The following SEMA6B variants were observed in gnomAD, a reference collection of about 807,000 sequenced individuals.
The protein encoded by SEMA6B is semaphorin 6B, also known as semaphorin-6B.
A neutral mutation model predicts 78.6 loss-of-function variants in SEMA6B; 47 were observed. The observed-to-expected ratio is 0.60, with a 90% CI of 0.47 to 0.76. The LOEUF (loss-of-function observed/expected upper bound fraction) is 0.76. Among genes scored for constraint, SEMA6B ranks in the 30% least tolerant of loss-of-function variants. SEMA6B has a pLI of 0.00. For missense variants in SEMA6B, 1,213 were observed against 1,269.9 expected (o/e 0.96, Z 0.68); for synonymous variants, 632 against 592.2 (o/e 1.07, Z -0.98).
intron 13 of SEMA6B, 41 bp from the exon 14 acceptor site, chr19:4,548,214 C>A: frequency 1.3e-6 from 2 of 1,589,958 alleles, no homozygotes; most frequent in East Asian, 2.3e-5. Context: ...GCATCTCAGC[C>A]CATCTCCCCT....
intron 10 of SEMA6B, 118 bp from the exon 11 acceptor site, chr19:4,551,048 G>T: frequency 1.7e-6 from 2 of 1,146,256 alleles, no homozygotes; most frequent in Non-Finnish European, 2.5e-6. Context: ...CTAGGCCAGA[G>T]ATGTCCCCTG....
intron 9 of SEMA6B, 104 bp downstream of exon 9, chr19:4,554,284 G>A: frequency 5.6e-6 from 5 of 898,574 alleles, no homozygotes; most frequent in Non-Finnish European, 7.2e-6. Flanking sequence ...GAAATGGAGG[G>A]CAGGACCCTC....
At chr19:4,546,502 G>A in intron 14 of SEMA6B, 33 bp from the exon 15 acceptor site, 1 of 1,493,946 alleles carries the variant, frequency 6.7e-7, no homozygotes, top group Non-Finnish European at 9.0e-7. Flanking sequence ...TGGGACAAGT[G>A]TCCAAGTCAC....
In SEMA6B at chr19:4,555,564, T is replaced by A; in HGVS notation, c.472A>T (p.Ile158Leu). 6.2e-7 allele frequency: 1 copy of A among 1,612,362 alleles called. No homozygotes were observed. Among genetic ancestry groups the A allele is most frequent in the South Asian group, 1.1e-5 (1 of 91,018 alleles). Reference sequence around the variant, plus strand: ...TCTCCGACGGGCTGCAGGGTGTCTATCTGCAGGGACCATGGGGCCTGAGTG... The same window carrying A: ...TCTCCGACGGGCTGCAGGGTGTCTAACTGCAGGGACCATGGGGCCTGAGTG... The part of the protein sequence containing the change: ...AFNPVCANYS[I>L]DTLQPVGDNI... Residue 158 changes from isoleucine (I) to leucine (L), a missense_variant and splice_region_variant, in exon 7 of 17, where the codon ATA (isoleucine) becomes TTA (leucine). Ile to Leu is a conservative substitution (Grantham distance 5, BLOSUM62 2). Transcript: ENST00000586582. The surrounding 1 kb of genome is among the most constrained non-coding windows in gnomAD (Gnocchi z 6.1).
Position 4,544,207 on chromosome 19 carries a change from G to T in SEMA6B, c.2061C>A (p.Asn687Lys). The change falls in exon 17 of 17, where the codon AAC becomes AAA. Residue 687 changes from asparagine (N) to lysine (K), a missense_variant. Physicochemically the swap from Asn to Lys is moderately conservative, Grantham distance 94. Transcript: ENST00000586582. This position sits in a 1 kb window ranked among gnomAD's most constrained non-coding sequence, Gnocchi z 5.1. Reference protein sequence around the residue: ...PEALLAPLMQNGWAKATLLQG... With the variant: ...PEALLAPLMQKGWAKATLLQG... ...GCAGCAGCGTGGCCTTGGCCCAGCC[G>T]TTCTGCATCAGGGGCGCCAGCAGGG... 1 of 1,274,166 alleles carries T rather than the reference G, an allele frequency of 7.8e-7. No homozygotes were observed. Among genetic ancestry groups the T allele is most frequent in the Non-Finnish European group, 9.9e-7 (1 of 1,012,562 alleles). 78.9% of individuals were successfully genotyped at this position (1,274,166 alleles called of 1,614,324 possible). A position where few individuals can be genotyped will look rare whatever the true frequency, so the allele number is the denominator to read the frequency against.
rs1977097757 is a variant in SEMA6B, at chr19:4,544,081, G to A, written c.2187C>T (p.Ala729=). Residue 729 remains alanine (A), a synonymous_variant, in exon 17 of 17, where the codon GCC becomes GCT. Coordinates refer to ENST00000586582, the MANE Select transcript of SEMA6B (RefSeq NM_032108.4). The surrounding 1 kb of genome is among the most constrained non-coding windows in gnomAD (Gnocchi z 5.1). ...RLPTPHPHPH[A]LGPRAWDHGH... is the part of the protein sequence containing the mutation. The stretch of plus-strand genomic sequence containing the variant: ...CGTGGTCCCAGGCGCGGGGGCCCAG[G>A]GCGTGGGGGTGCGGGTGCGGAGTGG... 1.6e-6 allele frequency: 2 copies of A among 1,250,714 alleles called. No homozygotes were observed. Among genetic ancestry groups the A allele is most frequent in the Non-Finnish European group, 2.0e-6 (2 of 998,146 alleles). The allele number at this position is 1,250,714 out of a possible 1,614,324, so 77.5% of individuals were successfully genotyped here. A position where few individuals can be genotyped will look rare whatever the true frequency, so the allele number is the denominator to read the frequency against.
chr19:4,544,667 C>G lies in SEMA6B; in HGVS notation c.1739-138G>C, dbSNP rs1479912392. The G allele has an allele frequency of 1.5e-5, 7 of 476,836 alleles. No homozygotes were observed. The highest frequency in any genetic ancestry group is 2.4e-5 in the Non-Finnish European group (7 of 296,954). The allele number at this position is 476,836 out of a possible 1,614,324, so 29.5% of individuals were successfully genotyped here. A position where few individuals can be genotyped will look rare whatever the true frequency, so the allele number is the denominator to read the frequency against. On this transcript the variant is annotated intron_variant, in intron 16 of 16. Transcript: ENST00000586582. The surrounding 1 kb of genome is among the most constrained non-coding windows in gnomAD (Gnocchi z 5.1). ...TATTTATTTTTTGAGAAGGAGTCTT[C>G]CTTTGTGTGCCAGGCTGGAGTGCAG...
In SEMA6B at chr19:4,558,828, T is replaced by A. The variant is rs555587628; in HGVS notation, c.-32-339A>T. Among the ~76,000 whole-genome samples the A allele has an allele frequency of 6.6e-6, 1 of 151,856 alleles. No individual in the cohort carries two copies. The highest frequency in any genetic ancestry group is 1.5e-5 in the Non-Finnish European group (1 of 67,936). On this transcript the variant is annotated intron_variant, in intron 1 of 16. Coordinates refer to ENST00000586582, the MANE Select transcript of SEMA6B (RefSeq NM_032108.4). The surrounding 1 kb of genome is among the most constrained non-coding windows in gnomAD (Gnocchi z 5.1). The stretch of plus-strand genomic sequence containing the variant: ...CGCAAAATACATGCATAAAAATACT[T>A]AGAATTAAAACACAAAAATATTAAA...
In SEMA6B at chr19:4,544,410, A is replaced by G; in HGVS notation, c.1858T>C (p.Trp620Arg). The change falls in exon 17 of 17, where the codon TGG becomes CGG. Residue 620 changes from tryptophan to arginine, a missense_variant. Physicochemically the swap from Trp to Arg is moderately radical, Grantham distance 101 (BLOSUM62 -3). Transcript: ENST00000586582. This position sits in a 1 kb window ranked among gnomAD's most constrained non-coding sequence, Gnocchi z 5.1. ...CGCCGCTCACGGAGGCCCACGAACCAGCCCACGCTGAAGCCGGACACCACG... is the reference window on the plus strand; with the variant it reads ...CGCCGCTCACGGAGGCCCACGAACCGGCCCACGCTGAAGCCGGACACCACG... ...GAVVSGFSVGWFVGLRERREL... is the reference protein window; with the variant it reads ...GAVVSGFSVGRFVGLRERREL... The G allele has an allele frequency of 6.2e-7, 1 of 1,603,918 alleles. No individual in the cohort carries two copies. Among genetic ancestry groups the G allele is most frequent in the Non-Finnish European group, 8.5e-7 (1 of 1,176,356 alleles).
chr19:4,546,359 ACACCCTC>A, intron 15 of SEMA6B, 26 bp downstream of exon 15: 1 of 1,587,164 alleles, frequency 6.3e-7, no homozygotes, highest in Admixed American at 1.8e-5. Context: ...CGGGTCTGAC[ACACCCTC>A]CACCCACCTC....
Position 4,549,580 on chromosome 19 carries a change from G to A in SEMA6B, c.1271+543C>T, listed in dbSNP as rs985773830. On this transcript the variant is annotated intron_variant, in intron 12 of 16. Transcript: ENST00000586582. ...TGCAAGCTCCGCCTCCCGGGTTCAT[G>A]CCATTCTCCTGCCTCAGCCTCCTGA... 5.3e-5 allele frequency among the ~76,000 whole-genome samples: 8 copies of A among 152,348 alleles called. No homozygotes were observed. The East Asian group carries it at 1.4e-3, about 26-fold the overall frequency.
Position 4,543,119 on chromosome 19 carries a change from A to G in SEMA6B, c.*482T>C. The G allele has an allele frequency of 4.8e-6, 3 of 622,840 alleles. No individual in the cohort carries two copies. Among genetic ancestry groups the G allele is most frequent in the South Asian group, 1.8e-5 (1 of 55,684 alleles). 38.6% of individuals were successfully genotyped at this position (622,840 alleles called of 1,614,324 possible). A position where few individuals can be genotyped will look rare whatever the true frequency, so the allele number is the denominator to read the frequency against. On this transcript the variant is annotated 3_prime_UTR_variant, in exon 17 of 17. Coordinates refer to ENST00000586582, the MANE Select transcript of SEMA6B (RefSeq NM_032108.4). ...CACCTCCCCGGCCCCTTGCACACGA[A>G]CACGGCACGCACACGCACGCACACC...
Position 4,548,164 on chromosome 19 carries a change from C to T in SEMA6B, c.1464G>A (p.Arg488=). ...FETYRPDRCG[R]PGGGETGQRL... is the part of the protein sequence containing the mutation. Reference sequence around the variant, plus strand: ...GCTGCCCTGTCTCGCCACCGCCGGGCCGTCCACACCTGGGGACAAGCAGAG... The same window carrying T: ...GCTGCCCTGTCTCGCCACCGCCGGGTCGTCCACACCTGGGGACAAGCAGAG... The change falls in exon 14 of 17, where the codon CGG becomes CGA. Residue 488 remains arginine (R), a synonymous_variant. Coordinates refer to ENST00000586582, the MANE Select transcript of SEMA6B (RefSeq NM_032108.4). 6.3e-7 allele frequency: 1 copy of T among 1,590,480 alleles called. No homozygotes were observed. Among genetic ancestry groups the T allele is most frequent in the Admixed American group, 1.7e-5 (1 of 58,878 alleles).
Position 4,555,637 on chromosome 19 carries a change from C to A in SEMA6B, c.472-73G>T, listed in dbSNP as rs779780758. 2.1e-5 allele frequency: 26 copies of A among 1,233,514 alleles called. No homozygotes were observed. In the Admixed American group the frequency reaches 3.2e-4, roughly 15 times the overall value. The allele number at this position is 1,233,514 out of a possible 1,614,324, so 76.4% of individuals were successfully genotyped here. A position where few individuals can be genotyped will look rare whatever the true frequency, so the allele number is the denominator to read the frequency against. ...GCAGCCCCTGGCTCCCTCAGCCCCC[C>A]ACTCCAGGGGGAATCCTGATCCACC... On this transcript the variant is annotated intron_variant, in intron 6 of 16. Coordinates refer to ENST00000586582, the MANE Select transcript of SEMA6B (RefSeq NM_032108.4). The surrounding 1 kb of genome is among the most constrained non-coding windows in gnomAD (Gnocchi z 6.1).
At position 4,555,992 on chromosome 19, in the gene SEMA6B, T is replaced by C. The variant is rs751777713; in HGVS notation, c.467A>G (p.Tyr156Cys). ...GCAGGGAGTCTGAAGACTCACGCTG[T>C]AGTTGGCGCACACCGGGTTGAAGGC... is the stretch of plus-strand genomic sequence containing the variant. Reference protein sequence around the residue: ...SNAFNPVCANYSIDTLQPVGD... With the variant: ...SNAFNPVCANCSIDTLQPVGD... The change falls in exon 6 of 17, where the codon TAC becomes TGC. Residue 156 changes from tyrosine to cysteine, a missense_variant. Transcript: ENST00000586582. This position sits in a 1 kb window ranked among gnomAD's most constrained non-coding sequence, Gnocchi z 6.1. The C allele has an allele frequency of 5.6e-6, 9 of 1,613,212 alleles. No individual in the cohort carries two copies. Among genetic ancestry groups the C allele is most frequent in the Admixed American group, 1.7e-5 (1 of 59,998 alleles).
chr19:4,548,147 G>A lies in SEMA6B; in HGVS notation c.1481C>T (p.Thr494Ile). The A allele has an allele frequency of 6.3e-7, 1 of 1,592,474 alleles. No homozygotes were observed. Among genetic ancestry groups the A allele is most frequent in the Non-Finnish European group, 8.5e-7 (1 of 1,169,930 alleles). ...DRCGRPGGGETGQRLLSLELD... is the reference protein window; with the variant it reads ...DRCGRPGGGEIGQRLLSLELD... ...CTCCAAGCTCAGCAGCCGCTGCCCTGTCTCGCCACCGCCGGGCCGTCCACA... is the reference window on the plus strand; with the variant it reads ...CTCCAAGCTCAGCAGCCGCTGCCCTATCTCGCCACCGCCGGGCCGTCCACA... Residue 494 changes from threonine to isoleucine, a missense_variant, in exon 14 of 17, where the codon ACA becomes ATA. Physicochemically the swap from Thr to Ile is moderately conservative, Grantham distance 89. Coordinates refer to ENST00000586582, the MANE Select transcript of SEMA6B (RefSeq NM_032108.4).
chr19:4,546,577 T>C, intron 14 of SEMA6B, 108 bp from the exon 15 acceptor site: 1 of 449,534 alleles, frequency 2.2e-6, no homozygotes, highest in Non-Finnish European at 3.5e-6. Flanking sequence ...TCTTTATTTT[T>C]ATTTTAATTA....
At chr19:4,545,907 G>T (rs964544958) in intron 16 of SEMA6B, 6 of 209,828 alleles carry the variant, frequency 2.9e-5, no homozygotes, top group African/African-American at 9.2e-5. Context: ...GAGTAGCTGG[G>T]ACTACAGGCG....
rs1977065823 is a variant in SEMA6B, at chr19:4,543,228, C to T, written c.*373G>A. ...GGTCTGCAGCTGTGGCCCCCCATTC[C>T]CCACCGGCGTCCAAGCCTCCCCTGC... On this transcript the variant is annotated 3_prime_UTR_variant, in exon 17 of 17. Coordinates refer to ENST00000586582, the MANE Select transcript of SEMA6B (RefSeq NM_032108.4). 1 of 540,968 alleles carries T rather than the reference C, an allele frequency of 1.8e-6. No individual in the cohort carries two copies. The highest frequency in any genetic ancestry group is 1.9e-5 in the African/African-American group (1 of 52,468). 33.5% of individuals were successfully genotyped at this position (540,968 alleles called of 1,614,324 possible).
Sources: gnomAD v4.1 joint callset for allele counts (sites outside exome capture counted in the v4.1 genomes callset) on GRCh38, gnomAD v4.1.1 for gene constraint, Gnocchi (gnomAD v3.1) non-coding constraint, MANE v1.5 for transcripts, NCBI Gene and HGNC (gene_info 2026-07-23, HGNC 2026-07-21) for gene names.